CTNNA2: variants seen among roughly 807,000 people sequenced by gnomAD.
The protein encoded by CTNNA2 is catenin alpha 2, also known as catenin alpha-2.
In CTNNA2, 42 loss-of-function variants were observed where a neutral mutation model predicts 101.0. That is an observed-to-expected ratio of 0.42 (90% CI 0.32 to 0.54). The LOEUF (loss-of-function observed/expected upper bound fraction) is 0.54, where lower values mean the gene tolerates loss of function less well. Among genes scored for constraint, CTNNA2 ranks in the 20% least tolerant of loss-of-function variants. The pLI is 0.14. For synonymous variants in CTNNA2, 450 were observed against 456.4 expected (o/e 0.99, Z 0.18); for missense variants, 871 against 1,223.1 (o/e 0.71, Z 4.29).
chr2:79,846,956 G>T (rs1342164695), intron 3 of CTNNA2, among the ~76,000 whole-genome samples: 1 of 152,190 alleles, frequency 6.6e-6, no homozygotes, highest in Non-Finnish European at 1.5e-5. Flanking sequence ...GGCTTAAAAA[G>T]TAGTGTGGGA....
intron 7 of CTNNA2, among the ~76,000 whole-genome samples, chr2:80,060,194 C>A (rs1311809229): frequency 6.6e-6 from 1 of 152,134 alleles, no homozygotes; most frequent in Non-Finnish European, 1.5e-5. Context: ...CCCATAGGTT[C>A]ACTGAACTGC....
intron 2 of CTNNA2, among the ~76,000 whole-genome samples, chr2:79,220,929 C>T (rs575674670): frequency 8.3e-4 from 126 of 152,210 alleles, no homozygotes; most frequent in Non-Finnish European, 1.6e-3. Context: ...ATAATAAATA[C>T]TGAGAAATAA....
At chr2:80,236,499 T>C (rs988396483) in intron 7 of CTNNA2, among the ~76,000 whole-genome samples, 1 of 152,202 alleles carries the variant, frequency 6.6e-6, no homozygotes, top group African/African-American at 2.4e-5. Flanking sequence ...TTGTGCCTTC[T>C]CATTACTTAG....
At chr2:79,699,333 G>T (rs1018547732) in intron 2 of CTNNA2, among the ~76,000 whole-genome samples, 1 of 151,976 alleles carries the variant, frequency 6.6e-6, no homozygotes, top group African/African-American at 2.4e-5. Context: ...ATAAGATGAG[G>T]ATCATAAAAA....
chr2:79,525,435 AT>A (rs1320473789), intron 1 of CTNNA2, among the ~76,000 whole-genome samples: 10 of 151,962 alleles, frequency 6.6e-5, no homozygotes, highest in African/African-American at 2.4e-4. Context: ...GTCTTTCTGC[AT>A]ACATATCAGT....
intron 9 of CTNNA2, among the ~76,000 whole-genome samples, chr2:80,495,774 A>G (rs551759118): frequency 1.1e-4 from 17 of 151,890 alleles, no homozygotes; most frequent in Admixed American, 2.6e-4. Flanking sequence ...CCCCATCTCT[A>G]CTAAAAAATA....
chr2:80,325,585 T>G (rs1235438065), intron 7 of CTNNA2, among the ~76,000 whole-genome samples: 1 of 152,216 alleles, frequency 6.6e-6, no homozygotes, highest in East Asian at 1.9e-4. Context: ...AGAGAAATCT[T>G]GTTTAAATAA....
chr2:79,611,708 C>T (rs1375207002), intron 1 of CTNNA2, among the ~76,000 whole-genome samples: 1 of 152,124 alleles, frequency 6.6e-6, no homozygotes, highest in Admixed American at 6.6e-5. Flanking sequence ...TTCTGTTTGC[C>T]TAGCTTTCCT....
chr2:79,294,201 G>GAGAAGAGGAAGAAGAAGA (rs1675909108), intron 2 of CTNNA2, among the ~76,000 whole-genome samples: 1 of 145,282 alleles, frequency 6.9e-6, no homozygotes, highest in African/African-American at 2.7e-5. Context: ...GAGAGAGAGA[G>GAGAAGAGGAAGAAGAAGA]AGAAGAAGAA....
At chr2:79,580,152 A>T (rs1209816495) in intron 1 of CTNNA2, among the ~76,000 whole-genome samples, 1 of 151,946 alleles carries the variant, frequency 6.6e-6, no homozygotes, top group African/African-American at 2.4e-5. Context: ...CTATTTCTTG[A>T]TCTCAACGTT....
intron 2 of CTNNA2, among the ~76,000 whole-genome samples, chr2:79,671,815 T>G (rs1682859289): frequency 6.6e-6 from 1 of 152,228 alleles, no homozygotes; most frequent in South Asian, 2.1e-4. Flanking sequence ...GTTTAGCCGC[T>G]AAGAGATGGA....
At chr2:80,036,195 AG>A (rs1439718518) in intron 7 of CTNNA2, among the ~76,000 whole-genome samples, 3 of 152,194 alleles carry the variant, frequency 2.0e-5, no homozygotes, top group African/African-American at 7.2e-5. Context: ...GAAGGGATAG[AG>A]GGAGGTGAAA....
In CTNNA2 at chr2:79,376,548, G is replaced by A. The variant is rs368218012; in HGVS notation, c.-135+2535G>A. ...TGTGCACAACGTGCAGGTTTGTTAC[G>A]TATGTATACATGTGCCATGTTGGTG... is the stretch of plus-strand genomic sequence containing the variant. On this transcript the variant is annotated intron_variant, in intron 4 of 21. Coordinates refer to the CTNNA2 transcript ENST00000466387. 1.7e-4 allele frequency among the ~76,000 whole-genome samples: 25 copies of A among 151,128 alleles called. No individual in the cohort carries two copies. The South Asian group carries it at 4.6e-3, about 28-fold the overall frequency.
chr2:80,131,010 G>A (rs1447817469), intron 7 of CTNNA2, among the ~76,000 whole-genome samples: 1 of 151,650 alleles, frequency 6.6e-6, no homozygotes, highest in African/African-American at 2.4e-5. Context: ...AAAAGCATAT[G>A]GTTTAGTTCA....
At chr2:79,221,989 G>C (rs1674351351) in intron 2 of CTNNA2, among the ~76,000 whole-genome samples, 1 of 152,094 alleles carries the variant, frequency 6.6e-6, no homozygotes, top group Non-Finnish European at 1.5e-5. Flanking sequence ...CCTTTTCTGT[G>C]TCCAGAGATT....
chr2:79,779,131 TTG>T (rs1285429033), intron 3 of CTNNA2, among the ~76,000 whole-genome samples: 2 of 119,696 alleles, frequency 1.7e-5, no homozygotes, highest in Non-Finnish European at 3.1e-5. Context: ...AATTCTGTTG[TTG>T]TTTTTTTTTT....
At chr2:80,343,512 GT>G (rs1262838163) in intron 7 of CTNNA2, among the ~76,000 whole-genome samples, 3 of 151,872 alleles carry the variant, frequency 2.0e-5, no homozygotes, top group Non-Finnish European at 2.9e-5. Context: ...TTATCCTCTG[GT>G]TTTGTGTCAT....
At chr2:79,493,154 T>C (rs906382802) in intron 4 of CTNNA2, among the ~76,000 whole-genome samples, 2 of 149,424 alleles carry the variant, frequency 1.3e-5, no homozygotes, top group Non-Finnish European at 3.0e-5. Flanking sequence ...TTATTTAACA[T>C]CATACTGGAA....
chr2:80,552,351 A>G (rs1373254913), intron 11 of CTNNA2, among the ~76,000 whole-genome samples: 1 of 152,196 alleles, frequency 6.6e-6, no homozygotes, highest in Non-Finnish European at 1.5e-5. Context: ...AAACCCACCA[A>G]TCTGTGATAC....
Sources: gnomAD v4.1 joint callset for allele counts (sites outside exome capture counted in the v4.1 genomes callset) on GRCh38, gnomAD v4.1.1 for gene constraint, MANE v1.5 for transcripts, NCBI Gene and HGNC (gene_info 2026-07-23, HGNC 2026-07-21) for gene names.